Variants in DLGAP2 observed in about 807,000 individuals in gnomAD.
DLGAP2 encodes disks large-associated protein 2.
Under a neutral mutation model 100.3 loss-of-function variants are expected in DLGAP2, and 26 were observed. The ratio of observed to expected loss-of-function variants is 0.26; its 90% CI spans 0.19 to 0.36. The LOEUF is 0.36. Ranked by LOEUF, DLGAP2 falls within the 10% of genes least tolerant of loss-of-function variation. DLGAP2 has a pLI of 1.00. For missense variants in DLGAP2, 1,858 were observed against 1,453.2 expected (o/e 1.28, Z -4.53); for synonymous variants, 886 against 630.1 (o/e 1.41, Z -6.08).
chr8:1,204,523 A>C (rs1797948888), intron 2 of DLGAP2, among the ~76,000 whole-genome samples: 1 of 152,184 alleles, frequency 6.6e-6, no homozygotes, highest in Non-Finnish European at 1.5e-5. Context: ...CACCTGGTGA[A>C]ACTGGACAAA....
intron 5 of DLGAP2, among the ~76,000 whole-genome samples, chr8:1,555,673 G>A (rs957640276): frequency 3.9e-5 from 6 of 152,208 alleles, no homozygotes; most frequent in African/African-American, 1.4e-4. Context: ...AGTTGTCCTG[G>A]GACTCGGTGT....
chr8:801,921 C>T (rs1442287507), intron 1 of DLGAP2, among the ~76,000 whole-genome samples: 1 of 65,476 alleles, frequency 1.5e-5, no homozygotes, highest in Non-Finnish European at 3.7e-5. Context: ...TAATAAGTGG[C>T]CATTCAGTGA....
At chr8:971,901 G>T (rs1362919304) in intron 2 of DLGAP2, among the ~76,000 whole-genome samples, 1 of 152,092 alleles carries the variant, frequency 6.6e-6, no homozygotes, top group East Asian at 1.9e-4. Context: ...GCAGCCCAGG[G>T]GTACAGGCTT....
rs973945018 is a variant in DLGAP2 at position 1,000,776 on chromosome 8, G to A, written c.73+92810G>A. Among the ~76,000 whole-genome samples, 3 of 152,130 alleles carry A rather than the reference G, an allele frequency of 2.0e-5. No individual in the cohort carries two copies. In the East Asian group the frequency reaches 5.8e-4, roughly 29 times the overall value. ...GGGCGTTGGGGGTGAGGAGGGTGACGGTGTGGAGGTGGCTCCTCAAGACTC... is the reference window on the plus strand; with the variant it reads ...GGGCGTTGGGGGTGAGGAGGGTGACAGTGTGGAGGTGGCTCCTCAAGACTC... On this transcript the variant is annotated intron_variant, in intron 2 of 14. Coordinates refer to ENST00000637795, the MANE Select transcript of DLGAP2 (RefSeq NM_001346810.2).
intron 1 of DLGAP2, among the ~76,000 whole-genome samples, chr8:791,766 G>C (rs143814741): frequency 6.6e-4 from 101 of 152,328 alleles, no homozygotes; most frequent in African/African-American, 2.4e-3. Flanking sequence ...ACAGCAGAGA[G>C]AACCCGTTAT....
At chr8:1,494,015 C>T (rs1479464704) in intron 3 of DLGAP2, among the ~76,000 whole-genome samples, 3 of 150,010 alleles carry the variant, frequency 2.0e-5, no homozygotes, top group African/African-American at 7.4e-5. Context: ...CAGGAGGACG[C>T]AGGGCCCCTG....
chr8:1,272,478 T>C (rs1227785327), intron 3 of DLGAP2, among the ~76,000 whole-genome samples: 2 of 151,916 alleles, frequency 1.3e-5, no homozygotes, highest in African/African-American at 4.8e-5. Context: ...AGAAAACATA[T>C]ATATTACACA....
intron 2 of DLGAP2, among the ~76,000 whole-genome samples, chr8:1,190,579 C>T (rs560433945): frequency 1.2e-3 from 182 of 152,282 alleles, no homozygotes; most frequent in African/African-American, 4.1e-3. Context: ...CACTGCGAGC[C>T]GCCTGTCGCA....
At chr8:970,072 A>AT (rs938496524) in intron 2 of DLGAP2, among the ~76,000 whole-genome samples, 29 of 152,044 alleles carry the variant, frequency 1.9e-4, no homozygotes, top group African/African-American at 6.3e-4. Flanking sequence ...ATATATCTTC[A>AT]TTTTTTTCAT....
At chr8:1,683,952 G>GTATATATATATA (rs1171271402) in intron 12 of DLGAP2, among the ~76,000 whole-genome samples, 44 of 20,330 alleles carry the variant, frequency 2.2e-3, no homozygotes, top group African/African-American at 9.1e-3. Flanking sequence ...ATATATATGT[G>GTATATATATATA]TGTATATATA....
At chr8:1,029,378 C>T (rs1014031788) in intron 2 of DLGAP2, among the ~76,000 whole-genome samples, 4 of 152,130 alleles carry the variant, frequency 2.6e-5, no homozygotes, top group African/African-American at 9.7e-5. Context: ...GGAAAGTGGG[C>T]AAAGAGTGGC....
At chr8:1,263,812 C>G (rs1428034363) in intron 3 of DLGAP2, among the ~76,000 whole-genome samples, 1 of 152,088 alleles carries the variant, frequency 6.6e-6, no homozygotes, top group African/African-American at 2.4e-5. Flanking sequence ...CAGCTGCCAC[C>G]CTGTCTCTCT....
chr8:1,614,347 C>A (rs1041317956), intron 6 of DLGAP2, among the ~76,000 whole-genome samples: 2 of 152,204 alleles, frequency 1.3e-5, no homozygotes, highest in East Asian at 1.9e-4. Context: ...TCAGTGAACA[C>A]GGAATTACCA....
At chr8:1,512,956 G>A (rs1359168727) in intron 4 of DLGAP2, among the ~76,000 whole-genome samples, 6 of 152,268 alleles carry the variant, frequency 3.9e-5, no homozygotes, top group Admixed American at 3.9e-4. Flanking sequence ...GGAGAAAGAT[G>A]GGAGAGGCCA....
intron 1 of DLGAP2, among the ~76,000 whole-genome samples, chr8:869,835 C>G (rs1441126198): frequency 6.6e-6 from 1 of 151,774 alleles, no homozygotes; most frequent in Non-Finnish European, 1.5e-5. Flanking sequence ...ACCCCGGCAG[C>G]GGGACACGTT....
chr8:1,444,931 C>G (rs1433034888), intron 3 of DLGAP2, among the ~76,000 whole-genome samples: 1 of 151,572 alleles, frequency 6.6e-6, no homozygotes, highest in Non-Finnish European at 1.5e-5. Flanking sequence ...TGCCCCATGC[C>G]CAGCTAATTT....
chr8:1,187,477 C>T (rs1197208540), intron 2 of DLGAP2, among the ~76,000 whole-genome samples: 21 of 133,948 alleles, frequency 1.6e-4, no homozygotes, highest in East Asian at 1.2e-3. Context: ...TGACATTTGC[C>T]TCACGGAATC....
intron 6 of DLGAP2, among the ~76,000 whole-genome samples, chr8:1,571,347 G>A (rs1379556841): frequency 5.8e-4 from 83 of 142,878 alleles, no homozygotes; most frequent in African/African-American, 1.8e-3. Flanking sequence ...GTGAACTGTG[G>A]GGGCATCTGA....
chr8:1,153,183 C>T (rs1169794078), intron 2 of DLGAP2, among the ~76,000 whole-genome samples: 1 of 152,096 alleles, frequency 6.6e-6, no homozygotes, highest in Non-Finnish European at 1.5e-5. Context: ...AGGCTCCGAG[C>T]GGTGTGGCAG....
Sources: gnomAD v4.1 joint callset for allele counts (sites outside exome capture counted in the v4.1 genomes callset) on GRCh38, gnomAD v4.1.1 for gene constraint, MANE v1.5 for transcripts, NCBI Gene and HGNC (gene_info 2026-07-23, HGNC 2026-07-21) for gene names.